The following ARHGEF10 variants were observed in gnomAD, a reference collection of about 807,000 sequenced individuals.
ARHGEF10 encodes the protein Rho guanine nucleotide exchange factor 10.
A neutral mutation model predicts 147.4 loss-of-function variants in ARHGEF10; 140 were observed. The observed-to-expected ratio is 0.95, with a 90% confidence interval of 0.83 to 1.09. The LOEUF (loss-of-function observed/expected upper bound fraction) is 1.09. Among genes scored for constraint, ARHGEF10 ranks in the 50% least tolerant of loss-of-function variants. The probability of loss-of-function intolerance (pLI) is 0.00; values close to 1 mark genes in which losing one functional copy is unlikely to be tolerated. For missense variants in ARHGEF10, 2,222 were observed against 1,752.7 expected, an observed-to-expected ratio of 1.27 and a Z score of -4.78; for synonymous variants, 902 against 695.8, an observed-to-expected ratio of 1.30 and a Z score of -4.67.
chr8:1,902,264 C>A (rs540656384), intron 15 of ARHGEF10, among the ~76,000 whole-genome samples: 1 of 152,194 alleles, frequency 6.6e-6, no homozygotes, highest in South Asian at 2.1e-4. Context: ...TCACGTTTGC[C>A]CCTTCAGCAA....
At chr8:1,874,183 A>G (rs983367000) in intron 7 of ARHGEF10, among the ~76,000 whole-genome samples, 6 of 152,220 alleles carry the variant, frequency 3.9e-5, no homozygotes, top group African/African-American at 1.4e-4. Flanking sequence ...AAGACCCTTC[A>G]AAGTCCTTGG....
chr8:1,956,425 G>A (rs1815570562), intron 28 of ARHGEF10, among the ~76,000 whole-genome samples: 1 of 152,156 alleles, frequency 6.6e-6, no homozygotes, highest in Non-Finnish European at 1.5e-5. Flanking sequence ...AAGTAAGAAG[G>A]TATTTTATGC....
At chr8:1,934,464 G>C (rs751527132) in intron 26 of ARHGEF10, among the ~76,000 whole-genome samples, 3 of 151,924 alleles carry the variant, frequency 2.0e-5, no homozygotes, top group Non-Finnish European at 2.9e-5. Context: ...ATTTACCTGT[G>C]TTCACTGGTT....
chr8:1,830,027 C>T (rs28712194), intron 1 of ARHGEF10, among the ~76,000 whole-genome samples: 33,707 of 152,148 alleles, frequency 0.22, 3,794 homozygotes, highest in South Asian at 0.26. Flanking sequence ...CTCCGAAGTG[C>T]TCTCTGCCAG....
chr8:1,881,023 G>A (rs948077074), intron 9 of ARHGEF10, among the ~76,000 whole-genome samples: 6 of 152,192 alleles, frequency 3.9e-5, no homozygotes, highest in African/African-American at 1.4e-4. Context: ...AGTGTGGCGG[G>A]GTTTCTGAGG....
chr8:1,914,441 A>G (rs1811603767), intron 18 of ARHGEF10, among the ~76,000 whole-genome samples: 1 of 152,232 alleles, frequency 6.6e-6, no homozygotes, highest in African/African-American at 2.4e-5. Flanking sequence ...GATGCACTGC[A>G]TGGCCTCGCC....
chr8:1,902,221 C>T (rs567234875), intron 15 of ARHGEF10, among the ~76,000 whole-genome samples: 1 of 151,958 alleles, frequency 6.6e-6, no homozygotes, highest in African/African-American at 2.4e-5. Context: ...CATTGCAGAA[C>T]CACATTTAAT....
In ARHGEF10 at chr8:1,898,396, C is replaced by T. The variant is rs755543; in HGVS notation, c.1558-37C>T. On this transcript the variant is annotated intron_variant, in intron 14 of 28. Transcript: ENST00000349830. Reference sequence around the variant, plus strand: ...CCCAGGGGCAGGGAGGGCATGGCAGCCCTGCAGGGAGGTGACCCCGGTGCC... The same window carrying T: ...CCCAGGGGCAGGGAGGGCATGGCAGTCCTGCAGGGAGGTGACCCCGGTGCC... 671,839 of 1,593,016 alleles carry T rather than the reference C, an allele frequency of 0.42. 146,126 individuals carry two copies. The highest frequency in any genetic ancestry group is 0.64 in the African/African-American group (47,578 of 74,526).
chr8:1,955,493 C>T (rs569595036), intron 28 of ARHGEF10, among the ~76,000 whole-genome samples: 2 of 147,322 alleles, frequency 1.4e-5, no homozygotes, highest in Middle Eastern at 3.6e-3. Context: ...AGGAAGTGCA[C>T]TCTCACTGTT....
chr8:1,940,468 A>G (rs1813995194), intron 26 of ARHGEF10, among the ~76,000 whole-genome samples: 1 of 152,230 alleles, frequency 6.6e-6, no homozygotes. Flanking sequence ...AAAAGTAGTA[A>G]GGAAATTGAA....
At chr8:1,830,496 A>G (rs1803028801) in intron 1 of ARHGEF10, among the ~76,000 whole-genome samples, 1 of 152,238 alleles carries the variant, frequency 6.6e-6, no homozygotes, top group Non-Finnish European at 1.5e-5. Flanking sequence ...TTCTATAAAA[A>G]GAAACAACCT....
At chr8:1,851,845 T>C (rs1805174226) in intron 2 of ARHGEF10, among the ~76,000 whole-genome samples, 1 of 150,750 alleles carries the variant, frequency 6.6e-6, no homozygotes, top group Admixed American at 6.6e-5. Flanking sequence ...GCCCAGGAGG[T>C]CAAGGCTGCA....
chr8:1,922,041 A>G (rs1305688568), intron 18 of ARHGEF10, among the ~76,000 whole-genome samples: 1 of 152,182 alleles, frequency 6.6e-6, no homozygotes, highest in African/African-American at 2.4e-5. Flanking sequence ...TTCTGAGATC[A>G]AATCCTTCTC....
intron 18 of ARHGEF10, among the ~76,000 whole-genome samples, chr8:1,913,509 G>C (rs555745209): frequency 6.6e-6 from 1 of 152,316 alleles, no homozygotes; most frequent in Non-Finnish European, 1.5e-5. Context: ...AAGGTAAAAA[G>C]CATCTGTGTT....
rs915578206 is a variant in ARHGEF10, at chr8:1,928,426, G to C, written c.2698-1G>C. ...TCTTTCCTCCTAATTCTCTGATTCA[G>C]ATCGGAAGTTGCACCCATCAAATGG... On this transcript the variant is annotated splice_acceptor_variant, in intron 23 of 28. Transcript: ENST00000349830. LOFTEE classifies it high-confidence loss of function. 6 of 1,609,862 alleles carry C rather than the reference G, an allele frequency of 3.7e-6. No individual in the cohort carries two copies. The highest frequency in any genetic ancestry group is 5.1e-6 in the Non-Finnish European group (6 of 1,177,098).
chr8:1,866,203 A>G (rs547883281), intron 5 of ARHGEF10, among the ~76,000 whole-genome samples: 2 of 152,262 alleles, frequency 1.3e-5, no homozygotes, highest in South Asian at 4.1e-4. Context: ...GAGGTCCTCA[A>G]AGGGGTGGCT....
chr8:1,861,437 C>T (rs1399718370), intron 4 of ARHGEF10, among the ~76,000 whole-genome samples: 1 of 152,200 alleles, frequency 6.6e-6, no homozygotes, highest in Non-Finnish European at 1.5e-5. Context: ...CCAGTCGAGG[C>T]GTCTCAGCCG....
At chr8:1,883,719 A>T (rs774534460) in intron 10 of ARHGEF10, among the ~76,000 whole-genome samples, 7 of 152,090 alleles carry the variant, frequency 4.6e-5, no homozygotes, top group Non-Finnish European at 8.8e-5. Flanking sequence ...TCATGCCCTG[A>T]TGAGGTGCCA....
chr8:1,885,397 A>G (rs1435249191), intron 10 of ARHGEF10, among the ~76,000 whole-genome samples: 1 of 152,240 alleles, frequency 6.6e-6, no homozygotes, highest in South Asian at 2.1e-4. Context: ...AATTTTAAAT[A>G]CAGACAAATA....
Sources: allele counts gnomAD v4.1 joint callset (sites outside exome capture counted in the v4.1 genomes callset), GRCh38; gene constraint gnomAD v4.1.1; transcripts MANE v1.5; gene names NCBI Gene and HGNC (gene_info 2026-07-23, HGNC 2026-07-21).